The following EBF1 variants were observed in gnomAD, a reference collection of about 807,000 sequenced individuals.
EBF1 encodes EBF transcription factor 1, also known as transcription factor COE1.
In EBF1, 10 loss-of-function variants were observed where a neutral mutation model predicts 68.4. The observed-to-expected ratio is 0.15, with a 90% CI of 0.09 to 0.25. The LOEUF (loss-of-function observed/expected upper bound fraction) is 0.25, where lower values mean the gene tolerates loss of function less well. Among genes scored for constraint, EBF1 ranks in the 10% least tolerant of loss-of-function variants. The pLI is 1.00. For missense variants in EBF1, 509 were observed against 794.4 expected, an observed-to-expected ratio of 0.64 and a Z score of 4.32; for synonymous variants, 298 against 299.8, an observed-to-expected ratio of 0.99 and a Z score of 0.06.
At chr5:159,057,441 G>A (rs1021244857) in intron 6 of EBF1, among the ~76,000 whole-genome samples, 1 of 152,186 alleles carries the variant, frequency 6.6e-6, no homozygotes, top group African/African-American at 2.4e-5. Flanking sequence ...AATTTAACTT[G>A]TGCTCCGTGC....
Position 158,698,266 on chromosome 5 carries a change from T to C in EBF1, c.*845A>G, listed in dbSNP as rs1756055797. 1 of 220,910 alleles carries C rather than the reference T, an allele frequency of 4.5e-6. No homozygotes were observed. Among genetic ancestry groups the C allele is most frequent in the Non-Finnish European group, 9.1e-6 (1 of 110,198 alleles). The allele number at this position is 220,910 out of a possible 1,614,324, so 13.7% of individuals were successfully genotyped here. On this transcript the variant is annotated 3_prime_UTR_variant, in exon 16 of 16. Coordinates refer to ENST00000313708, the MANE Select transcript of EBF1 (RefSeq NM_024007.5). ...AGTCTCAAAGGAGATTCTCACACAG[T>C]ATGTGTGCCACCAAGCTCTCGAGAG...
At chr5:158,796,209 C>T in intron 9 of EBF1, 136 bp downstream of exon 9, 2 of 968,680 alleles carry the variant, frequency 2.1e-6, no homozygotes, top group East Asian at 6.2e-5. Flanking sequence ...TTCTAGTTTC[C>T]CCAAATTCTG....
chr5:159,007,572 T>A (rs1414308203), intron 6 of EBF1, among the ~76,000 whole-genome samples: 1 of 152,150 alleles, frequency 6.6e-6, no homozygotes, highest in Non-Finnish European at 1.5e-5. Context: ...TGGGAAAAAG[T>A]GAGGAATGTG....
intron 6 of EBF1, among the ~76,000 whole-genome samples, chr5:158,969,919 A>AAAGAAG (rs1755242315): frequency 3.3e-5 from 2 of 60,176 alleles, no homozygotes; most frequent in Non-Finnish European, 7.2e-5. Context: ...AAAGAAAGAA[A>AAAGAAG]AAAAAAAAAA....
intron 5 of EBF1, among the ~76,000 whole-genome samples, chr5:159,080,351 G>A (rs371458235): frequency 1.3e-4 from 20 of 152,032 alleles, no homozygotes; most frequent in Admixed American, 6.6e-4. Flanking sequence ...GTGCAGTCTC[G>A]TTATCTGCCA....
chr5:158,827,114 C>A (rs1019002777), intron 7 of EBF1, among the ~76,000 whole-genome samples: 1 of 152,098 alleles, frequency 6.6e-6, no homozygotes, highest in Non-Finnish European at 1.5e-5. Flanking sequence ...TCACATGGAG[C>A]ACTCAATAAA....
At chr5:158,811,659 G>C (rs1030631396) in intron 8 of EBF1, among the ~76,000 whole-genome samples, 2 of 152,156 alleles carry the variant, frequency 1.3e-5, no homozygotes, top group Non-Finnish European at 2.9e-5. Flanking sequence ...TAACAGTAAG[G>C]CCATGATCAC....
chr5:158,786,547 C>T (rs1430541212), intron 9 of EBF1, among the ~76,000 whole-genome samples: 3 of 152,006 alleles, frequency 2.0e-5, no homozygotes, highest in Non-Finnish European at 4.4e-5. Flanking sequence ...TTCCTGAGGC[C>T]CAGGGTATTC....
At chr5:159,003,362 T>A (rs776385098) in intron 6 of EBF1, among the ~76,000 whole-genome samples, 1 of 152,124 alleles carries the variant, frequency 6.6e-6, no homozygotes, top group Non-Finnish European at 1.5e-5. Flanking sequence ...AATGTGCTAA[T>A]GACAATAATA....
chr5:158,885,242 A>G (rs936558080), intron 6 of EBF1, among the ~76,000 whole-genome samples: 12 of 152,204 alleles, frequency 7.9e-5, no homozygotes, highest in Non-Finnish European at 1.5e-4. Context: ...CCAGAAGATG[A>G]TGTTTTAGAA....
At position 158,737,735 on chromosome 5, in the gene EBF1, G is replaced by C. The variant is rs553485482; in HGVS notation, c.1037-6578C>G. Among the ~76,000 whole-genome samples the C allele has an allele frequency of 2.4e-4, 36 of 152,258 alleles. No individual in the cohort carries two copies. In the South Asian group the frequency reaches 7.3e-3, roughly 31 times the overall value. On this transcript the variant is annotated intron_variant, in intron 10 of 15. Coordinates refer to ENST00000313708, the MANE Select transcript of EBF1 (RefSeq NM_024007.5). ...AGTGGTTACGTCCTTTTTACAAAGAGTGCAGCCAGGGTAACATGCAAAGAA... is the reference window on the plus strand; with the variant it reads ...AGTGGTTACGTCCTTTTTACAAAGACTGCAGCCAGGGTAACATGCAAAGAA...
chr5:158,822,628 G>A (rs954607663), intron 8 of EBF1, among the ~76,000 whole-genome samples: 1 of 152,150 alleles, frequency 6.6e-6, no homozygotes, highest in African/African-American at 2.4e-5. Flanking sequence ...GCACAGGAGG[G>A]ACATTTGGTC....
intron 5 of EBF1, among the ~76,000 whole-genome samples, chr5:159,080,178 C>CA (rs1054585475): frequency 6.6e-6 from 1 of 152,198 alleles, no homozygotes; most frequent in Non-Finnish European, 1.5e-5. Flanking sequence ...GGACTCTCCA[C>CA]AGAGAAATTT....
intron 11 of EBF1, among the ~76,000 whole-genome samples, chr5:158,721,771 G>A (rs1397588211): frequency 6.6e-6 from 1 of 152,062 alleles, no homozygotes; most frequent in African/African-American, 2.4e-5. Context: ...TCCTGCAAGG[G>A]GATCTCATAA....
intron 6 of EBF1, among the ~76,000 whole-genome samples, chr5:159,021,973 T>C (rs560702479): frequency 6.0e-5 from 9 of 150,032 alleles, no homozygotes; most frequent in Admixed American, 3.4e-4. Context: ...AAACGCTGTG[T>C]TGGATACACT....
At chr5:158,757,054 T>C (rs535526655) in intron 10 of EBF1, among the ~76,000 whole-genome samples, 30 of 152,102 alleles carry the variant, frequency 2.0e-4, no homozygotes, top group African/African-American at 7.2e-4. Context: ...AGCCAGGAGC[T>C]TGCCTCCTTG....
chr5:158,711,001 T>G (rs1759123530), intron 14 of EBF1, among the ~76,000 whole-genome samples: 1 of 152,226 alleles, frequency 6.6e-6, no homozygotes, highest in African/African-American at 2.4e-5. Context: ...AGGCCAGTTC[T>G]CTGAGGTTCT....
chr5:158,933,161 A>G (rs922969560), intron 6 of EBF1, among the ~76,000 whole-genome samples: 4 of 152,196 alleles, frequency 2.6e-5, no homozygotes, highest in African/African-American at 9.7e-5. Context: ...TGAAAACTAA[A>G]AATTCAAAGC....
At chr5:158,795,440 C>T (rs745413810) in intron 9 of EBF1, among the ~76,000 whole-genome samples, 1 of 152,182 alleles carries the variant, frequency 6.6e-6, no homozygotes, top group Non-Finnish European at 1.5e-5. Flanking sequence ...TAGCACATTG[C>T]CTAGCATATG....
Sources: gnomAD v4.1 joint callset for allele counts (sites outside exome capture counted in the v4.1 genomes callset) on GRCh38, gnomAD v4.1.1 for gene constraint, MANE v1.5 for transcripts, NCBI Gene and HGNC (gene_info 2026-07-23, HGNC 2026-07-21) for gene names.